Variants in COL4A2 observed in about 807,000 individuals in gnomAD.
The protein encoded by COL4A2 is collagen alpha-2(IV) chain.
Under a neutral mutation model 200.2 loss-of-function variants are expected in COL4A2, and 99 were observed. The observed-to-expected ratio is 0.49, with a 90% CI of 0.42 to 0.58. COL4A2 has a LOEUF of 0.58. COL4A2 is among the 20% of genes least tolerant of loss of function. The pLI, the probability that COL4A2 is intolerant of heterozygous loss-of-function variation, is 0.00. For missense variants in COL4A2, 1,950 were observed against 2,314.1 expected (o/e 0.84, Z 3.23); for synonymous variants, 897 against 900.6 (o/e 1.00, Z 0.07).
At chr13:110,476,421 C>T (rs1225391404) in intron 29 of COL4A2, among the ~76,000 whole-genome samples, 2 of 152,214 alleles carry the variant, frequency 1.3e-5, no homozygotes, top group African/African-American at 2.4e-5. Context: ...CATTTCAGAC[C>T]TCGGCTTCGA....
At chr13:110,444,715 C>T (rs1881258511) in intron 16 of COL4A2, among the ~76,000 whole-genome samples, 2 of 152,196 alleles carry the variant, frequency 1.3e-5, no homozygotes, top group Admixed American at 1.3e-4. Flanking sequence ...CATGCATGTT[C>T]TTTAAAAGAG....
At chr13:110,439,730 C>T (rs1335408503) in intron 15 of COL4A2, 59 bp from the exon 16 acceptor site, 2 of 1,612,324 alleles carry the variant, frequency 1.2e-6, no homozygotes, top group East Asian at 2.2e-5. Context: ...TAGTCAAGCC[C>T]TCTGGAAATG....
At chr13:110,425,049 A>G (rs1178980467) in intron 6 of COL4A2, 52 bp downstream of exon 6, 1 of 1,496,834 alleles carries the variant, frequency 6.7e-7, no homozygotes, top group Admixed American at 2.1e-5. Flanking sequence ...ATCCTAGGCA[A>G]TACATTTTGT....
intron 4 of COL4A2, among the ~76,000 whole-genome samples, chr13:110,401,615 A>C (rs1438900691): frequency 6.6e-6 from 1 of 152,230 alleles, no homozygotes; most frequent in East Asian, 1.9e-4. Flanking sequence ...AGTCAGCGCA[A>C]GATAAGTTAA....
At chr13:110,496,583 C>T (rs1394224210) in intron 40 of COL4A2, among the ~76,000 whole-genome samples, 5 of 151,050 alleles carry the variant, frequency 3.3e-5, no homozygotes, top group South Asian at 4.3e-4. Context: ...CCAGCACAGC[C>T]TCAGTCAGAG....
chr13:110,403,930 G>A (rs1594194204), intron 4 of COL4A2, among the ~76,000 whole-genome samples: 3 of 152,284 alleles, frequency 2.0e-5, no homozygotes, highest in South Asian at 4.2e-4. Flanking sequence ...GTGGTGTCTG[G>A]TAAGAGCTCT....
At chr13:110,383,349 A>C (rs928009631) in intron 4 of COL4A2, among the ~76,000 whole-genome samples, 2 of 152,264 alleles carry the variant, frequency 1.3e-5, no homozygotes, top group Non-Finnish European at 2.9e-5. Flanking sequence ...TGAATATTGC[A>C]AGCTAATCTT....
Position 110,493,237 on chromosome 13 carries a change from G to C in COL4A2, c.3589G>C (p.Gly1197Arg). The change falls in exon 39 of 48, where the codon GGC becomes CGC. Residue 1197 changes from glycine to arginine, a missense_variant. This residue lies in a region of COL4A2 where 1,385 missense variants were observed against 1,720.5 expected (regional missense o/e 0.80). Coordinates refer to ENST00000360467, the MANE Select transcript of COL4A2 (RefSeq NM_001846.4). ...PGFPGLRGIR[G>R]LHGLPGTKGF... ...TTTTCCGGGACTCCGTGGGATCCGC[G>C]GCTTACACGGCTTGCCAGGCACCAA... is the stretch of plus-strand genomic sequence containing the variant. 1 of 1,614,152 alleles carries C rather than the reference G, an allele frequency of 6.2e-7. No individual in the cohort carries two copies. Among genetic ancestry groups the C allele is most frequent in the Non-Finnish European group, 8.5e-7 (1 of 1,180,042 alleles).
At position 110,503,256 on chromosome 13, in the gene COL4A2, G is replaced by T; in HGVS notation, c.4013G>T (p.Gly1338Val). The change falls in exon 42 of 48, where the codon GGT (glycine) becomes GTT (valine). Residue 1338 changes from glycine (G) to valine (V), a missense_variant. Around this residue, in one of 2 missense-constraint regions of COL4A2, gnomAD observed 1,385 missense variants for 1,720.5 expected, o/e 0.80. Coordinates refer to ENST00000360467, the MANE Select transcript of COL4A2 (RefSeq NM_001846.4). ...AGDSGPQGRP[G>V]VFGLPGEKGP... ...GACTCCGGGCCCCAGGGCAGGCCTG[G>T]TGTGTTTGGTCTCCCAGGAGAAAAA... 1.2e-6 allele frequency: 2 copies of T among 1,608,518 alleles called. No individual in the cohort carries two copies. Among genetic ancestry groups the T allele is most frequent in the Non-Finnish European group, 8.5e-7 (1 of 1,178,090 alleles).
At chr13:110,368,737 T>C (rs1877864540) in intron 4 of COL4A2, among the ~76,000 whole-genome samples, 1 of 151,534 alleles carries the variant, frequency 6.6e-6, no homozygotes, top group Non-Finnish European at 1.5e-5. Context: ...TCAAGAAGCA[T>C]CCTGAGAACA....
At chr13:110,504,340 G>A (rs1185250074) in intron 45 of COL4A2, 76 bp downstream of exon 45, 19 of 1,271,786 alleles carry the variant, frequency 1.5e-5, no homozygotes, top group East Asian at 2.3e-5. Context: ...TCTGCAGGAA[G>A]GGGACACACG....
At chr13:110,331,996 C>T (rs1227692110) in intron 3 of COL4A2, among the ~76,000 whole-genome samples, 1 of 152,126 alleles carries the variant, frequency 6.6e-6, no homozygotes, top group Non-Finnish European at 1.5e-5. Flanking sequence ...TATTGTCATC[C>T]AATTTATCAA....
At chr13:110,410,891 T>C (rs1358241653) in intron 4 of COL4A2, among the ~76,000 whole-genome samples, 1 of 152,172 alleles carries the variant, frequency 6.6e-6, no homozygotes, top group Non-Finnish European at 1.5e-5. Flanking sequence ...TCTTCCTTCT[T>C]GACTGCACGG....
intron 20 of COL4A2, among the ~76,000 whole-genome samples, chr13:110,454,225 A>G (rs1033568546): frequency 1.6e-4 from 24 of 152,114 alleles, no homozygotes; most frequent in Admixed American, 6.5e-4. Flanking sequence ...GCAAACATCT[A>G]AGAGGCACAC....
At chr13:110,356,590 G>A (rs1306035594) in intron 3 of COL4A2, among the ~76,000 whole-genome samples, 1 of 152,076 alleles carries the variant, frequency 6.6e-6, no homozygotes, top group Admixed American at 6.5e-5. Context: ...TTTTCTCCAG[G>A]CACATGCTCC....
rs1877001471 is a variant in COL4A2 at position 110,352,399 on chromosome 13, A to T, written c.100-5073A>T. Among the ~76,000 whole-genome samples, 3 of 152,338 alleles carry T rather than the reference A, an allele frequency of 2.0e-5. No homozygotes were observed. The East Asian group carries it at 5.8e-4, about 29-fold the overall frequency. On this transcript the variant is annotated intron_variant, in intron 3 of 47. Transcript: ENST00000360467. ...CGCAGCTCTTACCAGAATTTAAATTATGTGGGTTTAGTTGTTTGTTTACTT... is the reference window on the plus strand; with the variant it reads ...CGCAGCTCTTACCAGAATTTAAATTTTGTGGGTTTAGTTGTTTGTTTACTT...
chr13:110,395,886 A>T (rs1158373183), intron 4 of COL4A2, among the ~76,000 whole-genome samples: 1 of 152,250 alleles, frequency 6.6e-6, no homozygotes, highest in African/African-American at 2.4e-5. Context: ...CGGAGGTTGC[A>T]GTGAGCCAAG....
intron 3 of COL4A2, among the ~76,000 whole-genome samples, chr13:110,348,668 T>G (rs183893735): frequency 6.9e-6 from 1 of 145,024 alleles, no homozygotes; most frequent in Non-Finnish European, 1.5e-5. Context: ...TTTTTTTTTT[T>G]GCCTTGAAAA....
chr13:110,413,274 A>G (rs1879915872), intron 4 of COL4A2, among the ~76,000 whole-genome samples: 1 of 152,214 alleles, frequency 6.6e-6, no homozygotes, highest in Admixed American at 6.5e-5. Context: ...CAGACAGCAC[A>G]TGGAGTGTGT....
Sources: gnomAD v4.1 joint callset for allele counts (sites outside exome capture counted in the v4.1 genomes callset) on GRCh38, gnomAD v4.1.1 for gene constraint, gnomAD v4.1.1 regional missense constraint, MANE v1.5 for transcripts, NCBI Gene and HGNC (gene_info 2026-07-23, HGNC 2026-07-21) for gene names.